MEF2C: variants seen among roughly 807,000 people sequenced by gnomAD.
MEF2C encodes myocyte enhancer factor 2C.
MEF2C carries 6 observed loss-of-function variants against 50.5 expected under a neutral mutation model. The observed-to-expected ratio is 0.12, with a 90% CI of 0.07 to 0.23. The LOEUF (loss-of-function observed/expected upper bound fraction) is 0.23, where lower values mean the gene tolerates loss of function less well. MEF2C is among the 10% of genes least tolerant of loss of function. The pLI, the probability that MEF2C is intolerant of heterozygous loss-of-function variation, is 1.00. For synonymous variants in MEF2C, 183 were observed against 228.0 expected, an observed-to-expected ratio of 0.80 and a Z score of 1.78; for missense variants, 276 against 605.0, an observed-to-expected ratio of 0.46 and a Z score of 5.70.
chr5:88,823,222 T>C (rs997293357), intron 2 of MEF2C, among the ~76,000 whole-genome samples: 2 of 151,992 alleles, frequency 1.3e-5, no homozygotes, highest in Non-Finnish European at 2.9e-5. Context: ...ATTAATATCT[T>C]GTGTGGGTGT....
chr5:88,825,651 T>C (rs983074944), intron 1 of MEF2C: 3 of 984,770 alleles, frequency 3.0e-6, no homozygotes, highest in Non-Finnish European at 3.6e-6. Flanking sequence ...ACACTGTCCA[T>C]CTATTTTTAG....
chr5:88,851,544 G>A (rs1384505657), intron 1 of MEF2C, among the ~76,000 whole-genome samples: 2 of 152,000 alleles, frequency 1.3e-5, no homozygotes, highest in African/African-American at 4.8e-5. Context: ...AGTATTGGAT[G>A]CAGACTTACT....
In MEF2C at chr5:88,804,775, C is replaced by T; in HGVS notation, c.81G>A (p.Gly27=). Residue 27 remains glycine, a synonymous_variant, in exon 3 of 11, where the codon GGG becomes GGA. Transcript: ENST00000504921. The stretch of plus-strand genomic sequence containing the variant: ...TCAGCTCATAAGCCTTCTTCATCAA[C>T]CCAAATTTCCTCTTTGTAAATGTCA... ...RQVTFTKRKF[G]LMKKAYELSV... 6.2e-7 allele frequency: 1 copy of T among 1,613,996 alleles called. No homozygotes were observed. The highest frequency in any genetic ancestry group is 8.5e-7 in the Non-Finnish European group (1 of 1,179,874).
At chr5:88,750,910 A>T (rs1473893826) in intron 5 of MEF2C, among the ~76,000 whole-genome samples, 1 of 152,236 alleles carries the variant, frequency 6.6e-6, no homozygotes, top group East Asian at 1.9e-4. Context: ...TGTATGTAGG[A>T]TACATTAAAA....
At chr5:88,848,044 T>A (rs142649987) in intron 1 of MEF2C, among the ~76,000 whole-genome samples, 105 of 152,300 alleles carry the variant, frequency 6.9e-4, no homozygotes, top group African/African-American at 2.5e-3. Context: ...TCAGCACGCT[T>A]ACAACTATGC....
At chr5:88,837,850 G>A (rs909192640) in intron 1 of MEF2C, among the ~76,000 whole-genome samples, 2 of 152,182 alleles carry the variant, frequency 1.3e-5, no homozygotes, top group African/African-American at 4.8e-5. Context: ...ACATTTAGAA[G>A]TTTAATAAAT....
At chr5:88,739,672 C>T (rs752835442) in intron 6 of MEF2C, 17 of 985,178 alleles carry the variant, frequency 1.7e-5, no homozygotes, top group Non-Finnish European at 1.8e-5. Context: ...AACCTTGTTA[C>T]ATATGCTAGG....
intron 2 of MEF2C, among the ~76,000 whole-genome samples, chr5:88,810,972 A>G (rs1802531362): frequency 6.6e-6 from 1 of 152,166 alleles, no homozygotes; most frequent in South Asian, 2.1e-4. Context: ...TTAAAAAACA[A>G]TTACAAAAGT....
chr5:88,779,601 T>TTGTGTG (rs58856249), intron 3 of MEF2C, among the ~76,000 whole-genome samples: 161 of 148,132 alleles, frequency 1.1e-3, no homozygotes, highest in Middle Eastern at 7.1e-3. Flanking sequence ...TTGTGTAGGT[T>TTGTGTG]TGTGTGTGTG....
At chr5:88,841,878 G>A (rs974043281) in intron 1 of MEF2C, among the ~76,000 whole-genome samples, 2 of 152,142 alleles carry the variant, frequency 1.3e-5, no homozygotes, top group African/African-American at 2.4e-5. Context: ...AATGGGCTAC[G>A]TTTTATTTTA....
chr5:88,795,625 C>G (rs966501094), intron 3 of MEF2C, among the ~76,000 whole-genome samples: 18 of 152,096 alleles, frequency 1.2e-4, no homozygotes, highest in African/African-American at 1.4e-4. Context: ...ATTTAAATAC[C>G]CTTTATTTCT....
chr5:88,873,580 T>C (rs1830168391), intron 1 of MEF2C, among the ~76,000 whole-genome samples: 2 of 151,804 alleles, frequency 1.3e-5, no homozygotes, highest in Admixed American at 1.3e-4. Flanking sequence ...TCACTCTAAA[T>C]CAAGCAAGAT....
At chr5:88,727,635 CAG>C (rs1260425582) in intron 10 of MEF2C, among the ~76,000 whole-genome samples, 4 of 152,040 alleles carry the variant, frequency 2.6e-5, no homozygotes, top group Non-Finnish European at 5.9e-5. Flanking sequence ...GCTAGGCAGA[CAG>C]AATATTTTTA....
rs75994861 is a variant in MEF2C at position 88,790,145 on chromosome 5, C to T, written c.258+14453G>A. Among the ~76,000 whole-genome samples the T allele has an allele frequency of 3.9e-3, 597 of 152,246 alleles. 3 individuals carry two copies. The highest frequency in any genetic ancestry group is 0.014 in the African/African-American group (565 of 41,546). On this transcript the variant is annotated intron_variant, in intron 3 of 10. Coordinates refer to ENST00000504921, the MANE Select transcript of MEF2C (RefSeq NM_002397.5). Reference sequence around the variant, plus strand: ...CCCACCTCACTGGGTAGTGATGTGCCTTTTATGAATGTATCACACTTCCAG... The same window carrying T: ...CCCACCTCACTGGGTAGTGATGTGCTTTTTATGAATGTATCACACTTCCAG...
At chr5:88,799,648 A>G (rs1946438328) in intron 3 of MEF2C, among the ~76,000 whole-genome samples, 1 of 152,200 alleles carries the variant, frequency 6.6e-6, no homozygotes, top group South Asian at 2.1e-4. Context: ...AACTATTTTA[A>G]GGCTTTTCCC....
chr5:88,903,727 A>T (rs1406419325), intron 1 of MEF2C, among the ~76,000 whole-genome samples: 1 of 152,120 alleles, frequency 6.6e-6, no homozygotes, highest in Non-Finnish European at 1.5e-5. Context: ...CCTAAAAAAA[A>T]AACCTAAAAA....
intron 1 of MEF2C, among the ~76,000 whole-genome samples, chr5:88,894,186 C>T (rs1303489214): frequency 6.6e-6 from 1 of 151,890 alleles, no homozygotes; most frequent in Non-Finnish European, 1.5e-5. Context: ...TATTATTGTC[C>T]CCATTTTAAG....
At chr5:88,802,361 T>C (rs1349517495) in intron 3 of MEF2C, among the ~76,000 whole-genome samples, 2 of 152,264 alleles carry the variant, frequency 1.3e-5, no homozygotes, top group Non-Finnish European at 2.9e-5. Flanking sequence ...GTGCTGTTTT[T>C]GTGGCATTTA....
At chr5:88,819,829 A>G (rs1807385451) in intron 2 of MEF2C, among the ~76,000 whole-genome samples, 1 of 151,966 alleles carries the variant, frequency 6.6e-6, no homozygotes, top group Non-Finnish European at 1.5e-5. Flanking sequence ...CTTTCAGACT[A>G]CTAGGGCAGA....
Sources: allele counts gnomAD v4.1 joint callset (sites outside exome capture counted in the v4.1 genomes callset), GRCh38; gene constraint gnomAD v4.1.1; transcripts MANE v1.5; gene names NCBI Gene and HGNC (gene_info 2026-07-23, HGNC 2026-07-21).